The following WIPI2 variants were observed in gnomAD, a reference collection of about 807,000 sequenced individuals.
The protein encoded by WIPI2 is WD repeat domain, phosphoinositide interacting 2.
A neutral mutation model predicts 52.3 loss-of-function variants in WIPI2; 28 were observed. That is an observed-to-expected ratio of 0.54 (90% confidence interval 0.40 to 0.73). The LOEUF is 0.73. Ranked by LOEUF, WIPI2 falls within the 30% of genes least tolerant of loss-of-function variation. WIPI2 has a pLI of 0.00. For missense variants in WIPI2, 506 were observed against 602.9 expected (o/e 0.84, Z 1.68); for synonymous variants, 268 against 245.0 (o/e 1.09, Z -0.88).
intron 3 of WIPI2, among the ~76,000 whole-genome samples, chr7:5,203,434 A>G (rs562629414): frequency 1.8e-4 from 28 of 152,230 alleles, no homozygotes; most frequent in African/African-American, 6.7e-4. Flanking sequence ...GTTGCCAACT[A>G]TAAACCACGC....
In WIPI2 at chr7:5,214,173, C is replaced by T. The variant is rs1041217723; in HGVS notation, c.212-362C>T. 24 of 958,396 alleles carry T rather than the reference C, an allele frequency of 2.5e-5. No individual in the cohort carries two copies. In the East Asian group the frequency reaches 3.3e-4, roughly 13 times the overall value. The allele number at this position is 958,396 out of a possible 1,614,324, so 59.4% of individuals were successfully genotyped here. On this transcript the variant is annotated intron_variant, in intron 3 of 12. Coordinates refer to ENST00000288828, the MANE Select transcript of WIPI2 (RefSeq NM_015610.4). Reference sequence around the variant, plus strand: ...AACCCAGGGGAAGCAATTGCAGTTTCGTAGTAGTTTGTGTCTTAATTAAGG... The same window carrying T: ...AACCCAGGGGAAGCAATTGCAGTTTTGTAGTAGTTTGTGTCTTAATTAAGG...
intron 6 of WIPI2, chr7:5,217,581 G>A (rs1782881590): frequency 1.2e-5 from 5 of 410,022 alleles, no homozygotes; most frequent in South Asian, 6.8e-5. Flanking sequence ...ACAGGCGGGT[G>A]CCCCGCGCCC....
At chr7:5,214,426 C>T (rs1447710039) in intron 3 of WIPI2, 109 bp from the exon 4 acceptor site, 7 of 1,611,716 alleles carry the variant, frequency 4.3e-6, no homozygotes, top group Non-Finnish European at 5.9e-6. Context: ...ACCCTCAGCG[C>T]TGTGCCCTGC....
At chr7:5,218,304 C>G (rs1782925456) in intron 7 of WIPI2, 1 of 313,104 alleles carries the variant, frequency 3.2e-6, no homozygotes, top group Non-Finnish European at 6.1e-6. Context: ...CAGTGTGTTT[C>G]TAAATGATGA....
At position 5,222,778 on chromosome 7, in the gene WIPI2, A is replaced by G. The variant is rs918858642; in HGVS notation, c.740+106A>G. 12 of 1,117,488 alleles carry G rather than the reference A, an allele frequency of 1.1e-5. No homozygotes were observed. The African/African-American group carries it at 1.7e-4, about 16-fold the overall frequency. The allele number at this position is 1,117,488 out of a possible 1,614,324, so 69.2% of individuals were successfully genotyped here. A position where few individuals can be genotyped will look rare whatever the true frequency, so the allele number is the denominator to read the frequency against. On this transcript the variant is annotated intron_variant, in intron 8 of 12. Coordinates refer to ENST00000288828, the MANE Select transcript of WIPI2 (RefSeq NM_015610.4). ...AGAACCCCCAGGAGAATTCCACACG[A>G]GCATTTCTAGCCCGGCTGGGTCACC... is the stretch of plus-strand genomic sequence containing the variant.
At chr7:5,212,226 G>A (rs111847507) in intron 3 of WIPI2, among the ~76,000 whole-genome samples, 36 of 152,130 alleles carry the variant, frequency 2.4e-4, no homozygotes, top group Middle Eastern at 3.4e-3. Context: ...GGCCAAACAC[G>A]GCACCTGTCC....
At chr7:5,203,799 A>G (rs1361267088) in intron 3 of WIPI2, among the ~76,000 whole-genome samples, 1 of 151,040 alleles carries the variant, frequency 6.6e-6, no homozygotes, top group Admixed American at 6.6e-5. Context: ...TTGTGTGTGT[A>G]TTTTTAGTAG....
At position 5,229,873 on chromosome 7, in the gene WIPI2, G is replaced by C. The variant is rs954507553; in HGVS notation, c.1252+135G>C. ...GGACTGGTTCTGAGAACATAAGCGA[G>C]GTTGGTAAATGGGTGTTCCCAAGGC... On this transcript the variant is annotated intron_variant, in intron 12 of 12. Coordinates refer to ENST00000288828, the MANE Select transcript of WIPI2 (RefSeq NM_015610.4). 1.2e-5 allele frequency: 16 copies of C among 1,307,030 alleles called. No individual in the cohort carries two copies. The Admixed American group carries it at 3.3e-4, about 27-fold the overall frequency. 81.0% of individuals were successfully genotyped at this position (1,307,030 alleles called of 1,614,324 possible).
At chr7:5,209,834 A>G (rs141046309) in intron 3 of WIPI2, among the ~76,000 whole-genome samples, 45 of 151,682 alleles carry the variant, frequency 3.0e-4, no homozygotes, top group African/African-American at 1.0e-3. Flanking sequence ...GAAGACAGAA[A>G]CTTCCCTTGC....
rs936688219 is a variant in WIPI2, at chr7:5,227,040, A to G, written c.849-140A>G. 2.3e-5 allele frequency: 29 copies of G among 1,234,314 alleles called. No homozygotes were observed. The highest frequency in any genetic ancestry group is 3.2e-5 in the Non-Finnish European group (28 of 888,500). 76.5% of individuals were successfully genotyped at this position (1,234,314 alleles called of 1,614,324 possible). A position where few individuals can be genotyped will look rare whatever the true frequency, so the allele number is the denominator to read the frequency against. On this transcript the variant is annotated intron_variant, in intron 9 of 12. Transcript: ENST00000288828. This position sits in a 1 kb window ranked among gnomAD's most constrained non-coding sequence, Gnocchi z 8.1. The stretch of plus-strand genomic sequence containing the variant: ...CCCCTGGGGCCCTGAGTGTCTGCTT[A>G]TAACCAACCCTGTTTAATTTTCCTG...
chr7:5,231,864 C>A lies in WIPI2; in HGVS notation c.*917C>A, dbSNP rs1783737425. 8.1e-6 allele frequency: 2 copies of A among 245,464 alleles called. No homozygotes were observed. The highest frequency in any genetic ancestry group is 1.5e-5 in the Non-Finnish European group (2 of 129,230). The allele number at this position is 245,464 out of a possible 1,614,324, so 15.2% of individuals were successfully genotyped here. On this transcript the variant is annotated 3_prime_UTR_variant, in exon 13 of 13. Coordinates refer to ENST00000288828, the MANE Select transcript of WIPI2 (RefSeq NM_015610.4). ...TCGCTGGCCCCGCTGTCCGCAGGGG[C>A]TTCCTACCTGTGTGAGAGGTCGTAG...
intron 3 of WIPI2, among the ~76,000 whole-genome samples, chr7:5,208,616 G>A (rs1181846007): frequency 6.6e-6 from 1 of 152,072 alleles, no homozygotes; most frequent in Non-Finnish European, 1.5e-5. Flanking sequence ...ATGTTGTGAG[G>A]TATGAATCAA....
At chr7:5,202,100 C>T (rs936144379) in intron 3 of WIPI2, among the ~76,000 whole-genome samples, 11 of 152,154 alleles carry the variant, frequency 7.2e-5, no homozygotes, top group Admixed American at 2.0e-4. Context: ...TCAGTATTGA[C>T]GTCTACCCTC....
rs753633016 is a variant in WIPI2 at position 5,229,778 on chromosome 7, AC to A, written c.1252+41del. ...GCAAACCTGGAAGGTAATTAGCCCCACAGCCCCGAGTGCTACTGCCTTCTGC... is the reference window on the plus strand; with the variant it reads ...GCAAACCTGGAAGGTAATTAGCCCCAAGCCCCGAGTGCTACTGCCTTCTGC... On this transcript the variant is annotated intron_variant, in intron 12 of 12. Coordinates refer to ENST00000288828, the MANE Select transcript of WIPI2 (RefSeq NM_015610.4). 4.3e-6 allele frequency: 7 copies of A among 1,610,996 alleles called. No homozygotes were observed. In the African/African-American group the frequency reaches 9.3e-5, roughly 22 times the overall value.
At chr7:5,221,113 G>A (rs963650256) in intron 7 of WIPI2, among the ~76,000 whole-genome samples, 8 of 151,932 alleles carry the variant, frequency 5.3e-5, no homozygotes, top group South Asian at 2.1e-4. Context: ...ACAGGCATGC[G>A]CCACCATGCC....
In WIPI2 at chr7:5,214,228, C is replaced by T. The variant is rs1399637267; in HGVS notation, c.212-307C>T. The stretch of plus-strand genomic sequence containing the variant: ...CCCTAGACCTTACTCTTTCACTTTA[C>T]CTAGGAGTTTGGTTCCTAAACTCAC... On this transcript the variant is annotated intron_variant, in intron 3 of 12. Transcript: ENST00000288828. 4.6e-6 allele frequency: 6 copies of T among 1,299,140 alleles called. No individual in the cohort carries two copies. The East Asian group carries it at 1.1e-4, about 23-fold the overall frequency. The allele number at this position is 1,299,140 out of a possible 1,614,324, so 80.5% of individuals were successfully genotyped here. A position where few individuals can be genotyped will look rare whatever the true frequency, so the allele number is the denominator to read the frequency against.
In WIPI2 at chr7:5,228,215, A is replaced by G. The variant is rs368543915; in HGVS notation, c.1121+4A>G. ...GTGCCCTGATGAAGCAGCACCGGTGAGTCTGCTCCGGCCGCTTCACGGAGC... is the reference window on the plus strand; with the variant it reads ...GTGCCCTGATGAAGCAGCACCGGTGGGTCTGCTCCGGCCGCTTCACGGAGC... On this transcript the variant is annotated splice_donor_region_variant and intron_variant, in intron 11 of 12. Coordinates refer to ENST00000288828, the MANE Select transcript of WIPI2 (RefSeq NM_015610.4). 1.9e-6 allele frequency: 3 copies of G among 1,609,798 alleles called. No individual in the cohort carries two copies. In the African/African-American group the frequency reaches 4.0e-5, roughly 22 times the overall value.
rs1783757072 is a variant in WIPI2, at chr7:5,232,177, G to A, written c.*1230G>A. On this transcript the variant is annotated 3_prime_UTR_variant, in exon 13 of 13. Transcript: ENST00000288828. ...ATGGTTTTAGAATCTATGGAGTGGT[G>A]GAAGTTACGGATAGAAGGGAAAAGG... 7.5e-6 allele frequency: 3 copies of A among 398,866 alleles called. No homozygotes were observed. Among genetic ancestry groups the A allele is most frequent in the Non-Finnish European group, 1.3e-5 (3 of 226,086 alleles). The allele number at this position is 398,866 out of a possible 1,614,324, so 24.7% of individuals were successfully genotyped here.
Position 5,199,726 on chromosome 7 carries a change from G to A in WIPI2, c.211+68G>A, listed in dbSNP as rs116898584. On this transcript the variant is annotated intron_variant, in intron 3 of 12. Coordinates refer to ENST00000288828, the MANE Select transcript of WIPI2 (RefSeq NM_015610.4). ...AAAAGTTGTACTTGAATTGGAATGC[G>A]ATCTAAAATTCAGACGCTGTGGTTG... 4.9e-3 allele frequency: 7,057 copies of A among 1,447,146 alleles called. 23 individuals carry two copies. Among genetic ancestry groups the A allele is most frequent in the Non-Finnish European group, 5.6e-3 (5,948 of 1,065,700 alleles). 89.6% of individuals were successfully genotyped at this position (1,447,146 alleles called of 1,614,324 possible). A position where few individuals can be genotyped will look rare whatever the true frequency, so the allele number is the denominator to read the frequency against.
Sources: allele counts gnomAD v4.1 joint callset (sites outside exome capture counted in the v4.1 genomes callset), GRCh38; gene constraint gnomAD v4.1.1; non-coding constraint Gnocchi (gnomAD v3.1); transcripts MANE v1.5; gene names NCBI Gene and HGNC (gene_info 2026-07-23, HGNC 2026-07-21).